RNF144B: variants seen among roughly 807,000 people sequenced by gnomAD.
RNF144B encodes the protein E3 ubiquitin-protein ligase RNF144B.
Under a neutral mutation model 40.2 loss-of-function variants are expected in RNF144B, and 25 were observed. The observed-to-expected ratio is 0.62, with a 90% CI of 0.45 to 0.87. The LOEUF is 0.87. RNF144B is among the 40% of genes least tolerant of loss of function. The pLI is 0.00. For synonymous variants in RNF144B, 145 were observed against 136.3 expected (o/e 1.06, Z -0.44); for missense variants, 365 against 373.7 (o/e 0.98, Z 0.19).
chr6:18,431,719 C>T (rs1758700295), intron 3 of RNF144B, among the ~76,000 whole-genome samples: 1 of 152,202 alleles, frequency 6.6e-6, no homozygotes, highest in Admixed American at 6.5e-5. Context: ...ATTCTTCATT[C>T]TTCTCTGTCT....
chr6:18,390,066 T>A (rs748506240), intron 1 of RNF144B, among the ~76,000 whole-genome samples: 6 of 152,218 alleles, frequency 3.9e-5, no homozygotes, highest in Non-Finnish European at 5.9e-5. Context: ...AGATGTGGTC[T>A]CTGTCCGGAA....
chr6:18,403,791 A>G (rs889920073), intron 2 of RNF144B, among the ~76,000 whole-genome samples: 2 of 152,214 alleles, frequency 1.3e-5, no homozygotes, highest in Non-Finnish European at 2.9e-5. Flanking sequence ...CGGTGCTGAC[A>G]TCTACTTGGC....
chr6:18,419,000 G>A lies in RNF144B; in HGVS notation c.166-8581G>A, dbSNP rs1795200668. On this transcript the variant is annotated intron_variant, in intron 2 of 7. Transcript: ENST00000259939. The surrounding 1 kb of genome is among the most constrained non-coding windows in gnomAD (Gnocchi z 5.2). ...ACTTACAAGTGTGGTTTGTGTGCCAGTGGCACCAACGAGACCTGGGAACTT... is the reference window on the plus strand; with the variant it reads ...ACTTACAAGTGTGGTTTGTGTGCCAATGGCACCAACGAGACCTGGGAACTT... Among the ~76,000 whole-genome samples, 1 of 152,090 alleles carries A rather than the reference G, an allele frequency of 6.6e-6. No individual in the cohort carries two copies. The highest frequency in any genetic ancestry group is 1.5e-5 in the Non-Finnish European group (1 of 68,006).
At chr6:18,435,587 G>A (rs918494256) in intron 3 of RNF144B, among the ~76,000 whole-genome samples, 27 of 152,112 alleles carry the variant, frequency 1.8e-4, no homozygotes, top group Non-Finnish European at 2.2e-4. Context: ...AGGATTTTGC[G>A]TAGTTTCAGA....
intron 4 of RNF144B, among the ~76,000 whole-genome samples, chr6:18,455,181 T>C (rs1264659438): frequency 6.6e-6 from 1 of 152,214 alleles, no homozygotes; most frequent in Admixed American, 6.5e-5. Context: ...TCTTAAGGTT[T>C]TAGTGATCTT....
intron 3 of RNF144B, among the ~76,000 whole-genome samples, chr6:18,436,428 G>T (rs184592300): frequency 7.3e-4 from 111 of 152,202 alleles, no homozygotes; most frequent in African/African-American, 2.4e-3. Flanking sequence ...CTATTGTATC[G>T]AAATATAAAT....
At chr6:18,399,799 A>C in intron 2 of RNF144B, 100 bp downstream of exon 2, 2 of 900,794 alleles carry the variant, frequency 2.2e-6, no homozygotes, top group Non-Finnish European at 3.4e-6. Context: ...AGAGTGTGCT[A>C]CAATATGATC....
At position 18,468,823 on chromosome 6, in the gene RNF144B, GA is replaced by G. The variant is rs1230098889; in HGVS notation, c.*3760del. On this transcript the variant is annotated 3_prime_UTR_variant, in exon 8 of 8. Transcript: ENST00000259939. ...TTATATTTTTCCAATTTTTGGAGAA[GA>G]AAATAGCTGTTTAGGCTCTCTAGCC... 1 of 152,148 alleles carries G rather than the reference GA, an allele frequency of 6.6e-6. No homozygotes were observed. Among genetic ancestry groups the G allele is most frequent in the Non-Finnish European group, 1.5e-5 (1 of 68,010 alleles). 9.4% of individuals were successfully genotyped at this position (152,148 alleles called of 1,614,324 possible).
At position 18,447,878 on chromosome 6, in the gene RNF144B, C is replaced by T. The variant is rs1194912981; in HGVS notation, c.331+8134C>T. On this transcript the variant is annotated intron_variant, in intron 4 of 7. Coordinates refer to ENST00000259939, the MANE Select transcript of RNF144B (RefSeq NM_182757.4). This position sits in a 1 kb window ranked among gnomAD's most constrained non-coding sequence, Gnocchi z 5.6. ...TAGGTTTTAGAAGAGGTGGATCTGG[C>T]AAAGGAGATTGACAAAGGATGGCCA... is the stretch of plus-strand genomic sequence containing the variant. 6.6e-6 allele frequency among the ~76,000 whole-genome samples: 1 copy of T among 152,072 alleles called. No homozygotes were observed. Among genetic ancestry groups the T allele is most frequent in the African/African-American group, 2.4e-5 (1 of 41,396 alleles).
In RNF144B at chr6:18,410,132, G is replaced by A. The variant is rs1349621626; in HGVS notation, c.165+10433G>A. 1.3e-5 allele frequency among the ~76,000 whole-genome samples: 2 copies of A among 152,150 alleles called. No individual in the cohort carries two copies. On this transcript the variant is annotated intron_variant, in intron 2 of 7. Transcript: ENST00000259939. This position sits in a 1 kb window ranked among gnomAD's most constrained non-coding sequence, Gnocchi z 4.6. ...CATGCAAATCATGACCAGAGAGCAGGCAAAAGTTGGTTTCTGATGAGAGAA... is the reference window on the plus strand; with the variant it reads ...CATGCAAATCATGACCAGAGAGCAGACAAAAGTTGGTTTCTGATGAGAGAA...
rs1287435272 is a variant in RNF144B, at chr6:18,464,067, A to C, written c.771+687A>C. Among the ~76,000 whole-genome samples the C allele has an allele frequency of 6.6e-6, 1 of 152,156 alleles. No homozygotes were observed. The highest frequency in any genetic ancestry group is 2.4e-5 in the African/African-American group (1 of 41,440). On this transcript the variant is annotated intron_variant, in intron 7 of 7. Transcript: ENST00000259939. The surrounding 1 kb of genome is among the most constrained non-coding windows in gnomAD (Gnocchi z 6.1). Reference sequence around the variant, plus strand: ...GAGATTTGGGTGGGGACACAGCCAAACCATATCAGGCAGTGCTCTAAAACC... The same window carrying C: ...GAGATTTGGGTGGGGACACAGCCAACCCATATCAGGCAGTGCTCTAAAACC...
At chr6:18,429,657 AT>A (rs980648230) in intron 3 of RNF144B, among the ~76,000 whole-genome samples, 7 of 152,190 alleles carry the variant, frequency 4.6e-5, no homozygotes, top group Admixed American at 2.0e-4. Context: ...GTGGAGAGAA[AT>A]TGGACTAGTT....
chr6:18,420,284 T>G (rs543478473), intron 2 of RNF144B, among the ~76,000 whole-genome samples: 1 of 152,140 alleles, frequency 6.6e-6, no homozygotes, highest in East Asian at 1.9e-4. Flanking sequence ...CTTAAAAAGT[T>G]TTGGATTTTG....
rs994948542 is a variant in RNF144B, at chr6:18,425,858, A to C, written c.166-1723A>C. ...ATTTTGGGTATTTAGGTTATTTTCT[A>C]GTTTTTGCTGTGATGAATATTATAG... On this transcript the variant is annotated intron_variant, in intron 2 of 7. Coordinates refer to ENST00000259939, the MANE Select transcript of RNF144B (RefSeq NM_182757.4). This position sits in a 1 kb window ranked among gnomAD's most constrained non-coding sequence, Gnocchi z 4.2. Among the ~76,000 whole-genome samples the C allele has an allele frequency of 2.6e-5, 4 of 152,172 alleles. No individual in the cohort carries two copies. The highest frequency in any genetic ancestry group is 1.3e-4 in the Admixed American group (2 of 15,282).
At position 18,427,569 on chromosome 6, in the gene RNF144B, C is replaced by A; in HGVS notation, c.166-12C>A. 1 of 1,596,078 alleles carries A rather than the reference C, an allele frequency of 6.3e-7. No individual in the cohort carries two copies. Among genetic ancestry groups the A allele is most frequent in the Non-Finnish European group, 8.6e-7 (1 of 1,168,090 alleles). On this transcript the variant is annotated splice_polypyrimidine_tract_variant and intron_variant, in intron 2 of 7. Transcript: ENST00000259939. ...TGGAATGGGCAATTGTCTTTTTTTT[C>A]TTAACTTCCAGTGCCTGAAACAGTA...
Position 18,412,955 on chromosome 6 carries a change from C to T in RNF144B, c.165+13256C>T, listed in dbSNP as rs536930885. ...CAATCTGCTTAAACCTCATTTTATT[C>T]ATCTGTTTAAAAAAATTACGGAAGG... On this transcript the variant is annotated intron_variant, in intron 2 of 7. Coordinates refer to ENST00000259939, the MANE Select transcript of RNF144B (RefSeq NM_182757.4). The surrounding 1 kb of genome is among the most constrained non-coding windows in gnomAD (Gnocchi z 4.2). Among the ~76,000 whole-genome samples, 9 of 152,238 alleles carry T rather than the reference C, an allele frequency of 5.9e-5. No individual in the cohort carries two copies. The South Asian group carries it at 1.9e-3, about 32-fold the overall frequency.
chr6:18,433,166 G>A (rs141262482), intron 3 of RNF144B, among the ~76,000 whole-genome samples: 1 of 152,278 alleles, frequency 6.6e-6, no homozygotes, highest in East Asian at 1.9e-4. Context: ...CATTATCATG[G>A]TGGGAAGCTA....
chr6:18,401,262 G>A (rs540789602), intron 2 of RNF144B, among the ~76,000 whole-genome samples: 1 of 152,150 alleles, frequency 6.6e-6, no homozygotes, highest in Non-Finnish European at 1.5e-5. Flanking sequence ...ACACTGTCCT[G>A]TTATTGTTTC....
Position 18,457,710 on chromosome 6 carries a change from G to C in RNF144B, c.536+351G>C, listed in dbSNP as rs1175308175. On this transcript the variant is annotated intron_variant, in intron 5 of 7. Coordinates refer to ENST00000259939, the MANE Select transcript of RNF144B (RefSeq NM_182757.4). This position sits in a 1 kb window ranked among gnomAD's most constrained non-coding sequence, Gnocchi z 5.1. ...GCCTGTATTGGTATATATCATTCTT[G>C]TTGCTTGCAAAATGAGAAAAGAAAT... is the stretch of plus-strand genomic sequence containing the variant. Among the ~76,000 whole-genome samples the C allele has an allele frequency of 6.6e-6, 1 of 152,028 alleles. No individual in the cohort carries two copies. The highest frequency in any genetic ancestry group is 2.4e-5 in the African/African-American group (1 of 41,376).
Sources: allele counts gnomAD v4.1 joint callset (sites outside exome capture counted in the v4.1 genomes callset), GRCh38; gene constraint gnomAD v4.1.1; non-coding constraint Gnocchi (gnomAD v3.1); transcripts MANE v1.5; gene names NCBI Gene and HGNC (gene_info 2026-07-23, HGNC 2026-07-21).